PTPRD: variants seen among roughly 807,000 people sequenced by gnomAD.
The protein encoded by PTPRD is receptor-type tyrosine-protein phosphatase delta.
PTPRD carries 34 observed loss-of-function variants against 214.5 expected under a neutral mutation model. That is an observed-to-expected ratio of 0.16 (90% confidence interval 0.12 to 0.21). PTPRD has a LOEUF of 0.21. Among genes scored for constraint, PTPRD ranks in the 10% least tolerant of loss-of-function variants. The probability of loss-of-function intolerance (pLI) is 1.00; values close to 1 mark genes in which losing one functional copy is unlikely to be tolerated. For synonymous variants in PTPRD, 1,128 were observed against 845.7 expected, an observed-to-expected ratio of 1.33 and a Z score of -5.79; for missense variants, 2,545 against 2,398.7, an observed-to-expected ratio of 1.06 and a Z score of -1.27.
rs545133910 is a variant in PTPRD at position 10,275,097 on chromosome 9, C to T, written c.-545+65866G>A. On this transcript the variant is annotated intron_variant, in intron 3 of 45. Transcript: ENST00000381196. ...GGGCTGCTATGTATGTTTGTGCAAA[C>T]TCTTGTCTTCACAAGGATAGCACAT... Among the ~76,000 whole-genome samples the T allele has an allele frequency of 3.9e-5, 6 of 152,322 alleles. No homozygotes were observed. In the South Asian group the frequency reaches 1.2e-3, roughly 32 times the overall value.
intron 4 of PTPRD, among the ~76,000 whole-genome samples, chr9:10,019,529 A>T (rs2096799358): frequency 6.6e-6 from 1 of 152,210 alleles, no homozygotes; most frequent in African/African-American, 2.4e-5. Context: ...AACCAAGCCA[A>T]AAGTCCAACA....
At chr9:9,692,875 T>G (rs2154404756) in intron 7 of PTPRD, among the ~76,000 whole-genome samples, 1 of 152,084 alleles carries the variant, frequency 6.6e-6, no homozygotes, top group African/African-American at 2.4e-5. Flanking sequence ...GTATTTAATT[T>G]TATTTGTGGC....
intron 3 of PTPRD, among the ~76,000 whole-genome samples, chr9:10,255,438 C>T (rs1226754484): frequency 6.6e-6 from 1 of 151,960 alleles, no homozygotes; most frequent in African/African-American, 2.4e-5. Context: ...AGAAAAGGTA[C>T]AATATAAATA....
chr9:10,096,374 A>G (rs1591052875), intron 3 of PTPRD, among the ~76,000 whole-genome samples: 1 of 151,892 alleles, frequency 6.6e-6, no homozygotes, highest in East Asian at 2.0e-4. Context: ...AAAAAATGCT[A>G]CTTCTCCACA....
intron 7 of PTPRD, among the ~76,000 whole-genome samples, chr9:9,661,657 C>A (rs1339563717): frequency 6.6e-6 from 1 of 151,764 alleles, no homozygotes; most frequent in Non-Finnish European, 1.5e-5. Context: ...AATTTGTTTG[C>A]CACTATTCAA....
intron 3 of PTPRD, among the ~76,000 whole-genome samples, chr9:10,316,588 A>T (rs2096439084): frequency 6.6e-6 from 1 of 151,952 alleles, no homozygotes; most frequent in African/African-American, 2.4e-5. Flanking sequence ...TTTCCAGAAA[A>T]TTCACTATGG....
At chr9:9,490,790 G>A (rs1175866781) in intron 8 of PTPRD, among the ~76,000 whole-genome samples, 3 of 151,800 alleles carry the variant, frequency 2.0e-5, no homozygotes, top group Non-Finnish European at 4.4e-5. Context: ...AAGGAAGACA[G>A]TGATGCAGGA....
At chr9:9,466,857 T>C (rs1220170122) in intron 8 of PTPRD, among the ~76,000 whole-genome samples, 1 of 152,174 alleles carries the variant, frequency 6.6e-6, no homozygotes, top group African/African-American at 2.4e-5. Flanking sequence ...GTCTTCCAAA[T>C]AGTCTTTCTA....
intron 11 of PTPRD, among the ~76,000 whole-genome samples, chr9:8,907,917 T>C (rs1283613019): frequency 1.3e-5 from 2 of 152,146 alleles, no homozygotes; most frequent in East Asian, 1.9e-4. Flanking sequence ...CTTTATGATT[T>C]TGATGAAAAC....
chr9:9,661,797 G>A (rs537932261), intron 7 of PTPRD, among the ~76,000 whole-genome samples: 2 of 151,810 alleles, frequency 1.3e-5, no homozygotes, highest in South Asian at 4.1e-4. Flanking sequence ...GAGATAACTT[G>A]AAGAGGAGGA....
intron 14 of PTPRD, among the ~76,000 whole-genome samples, chr9:8,580,385 C>T (rs1281832181): frequency 1.3e-5 from 2 of 152,108 alleles, no homozygotes; most frequent in Non-Finnish European, 2.9e-5. Context: ...AGTGGAGTGA[C>T]GATAGCAATT....
chr9:10,092,900 T>C (rs2098446588), intron 3 of PTPRD, among the ~76,000 whole-genome samples: 1 of 151,624 alleles, frequency 6.6e-6, no homozygotes, highest in Non-Finnish European at 1.5e-5. Flanking sequence ...GCCCGCCATA[T>C]ACAGACGAAT....
chr9:8,903,045 C>T (rs2098682504), intron 11 of PTPRD, among the ~76,000 whole-genome samples: 1 of 151,962 alleles, frequency 6.6e-6, no homozygotes, highest in African/African-American at 2.4e-5. Flanking sequence ...AATAATGAAA[C>T]ATCAAATAGT....
chr9:8,497,851 G>C (rs2097310132), intron 25 of PTPRD, among the ~76,000 whole-genome samples: 1 of 152,170 alleles, frequency 6.6e-6, no homozygotes, highest in Non-Finnish European at 1.5e-5. Context: ...TTTTGCAATG[G>C]AACTAGGGAG....
At chr9:9,398,825 A>T (rs2068964801) in intron 8 of PTPRD, among the ~76,000 whole-genome samples, 1 of 151,982 alleles carries the variant, frequency 6.6e-6, no homozygotes, top group Non-Finnish European at 1.5e-5. Context: ...TGGTCACCCC[A>T]GCACCAAGAT....
chr9:9,781,615 G>A (rs572284539), intron 5 of PTPRD, among the ~76,000 whole-genome samples: 1 of 152,240 alleles, frequency 6.6e-6, no homozygotes, highest in Admixed American at 6.5e-5. Context: ...TACAGTAGGT[G>A]CTCAACAAGT....
At chr9:9,547,124 C>A (rs1569569171) in intron 8 of PTPRD, among the ~76,000 whole-genome samples, 1 of 151,982 alleles carries the variant, frequency 6.6e-6, no homozygotes. Context: ...AAATGCCATA[C>A]CAAACTTACA....
At chr9:8,625,923 A>C (rs1050823119) in intron 14 of PTPRD, among the ~76,000 whole-genome samples, 4 of 151,474 alleles carry the variant, frequency 2.6e-5, no homozygotes, top group Non-Finnish European at 5.9e-5. Context: ...AGAATATGGG[A>C]TGTGTGTCAT....
At chr9:9,806,522 T>A (rs1215678016) in intron 5 of PTPRD, among the ~76,000 whole-genome samples, 1 of 152,122 alleles carries the variant, frequency 6.6e-6, no homozygotes, top group Non-Finnish European at 1.5e-5. Context: ...GAGAATGTAC[T>A]TTGTAACATC....
Sources: gnomAD v4.1 joint callset for allele counts (sites outside exome capture counted in the v4.1 genomes callset) on GRCh38, gnomAD v4.1.1 for gene constraint, MANE v1.5 for transcripts, NCBI Gene and HGNC (gene_info 2026-07-23, HGNC 2026-07-21) for gene names.